TENM4: variants seen among roughly 807,000 people sequenced by gnomAD.
TENM4 encodes the protein teneurin-4.
TENM4 carries 82 observed loss-of-function variants against 243.3 expected under a neutral mutation model. The ratio of observed to expected loss-of-function variants is 0.34; its 90% confidence interval spans 0.28 to 0.40. The LOEUF (loss-of-function observed/expected upper bound fraction) is 0.40. Ranked by LOEUF, TENM4 falls within the 10% of genes least tolerant of loss-of-function variation. The pLI is 1.00. For synonymous variants in TENM4, 1,412 were observed against 1,456.3 expected, an observed-to-expected ratio of 0.97 and a Z score of 0.69; for missense variants, 3,138 against 3,673.3, an observed-to-expected ratio of 0.85 and a Z score of 3.77.
At chr11:79,360,156 A>G (rs1246060885) in intron 1 of TENM4, among the ~76,000 whole-genome samples, 1 of 152,122 alleles carries the variant, frequency 6.6e-6, no homozygotes, top group East Asian at 1.9e-4. Context: ...ATTATAGTTC[A>G]TTTATGTGTC....
At position 78,655,848 on chromosome 11, in the gene TENM4, T is replaced by A. The variant is rs997939634; in HGVS notation, c.*2210A>T. 3 of 152,222 alleles carry A rather than the reference T, an allele frequency of 2.0e-5. No individual in the cohort carries two copies. Among genetic ancestry groups the A allele is most frequent in the African/African-American group, 7.2e-5 (3 of 41,442 alleles). 9.4% of individuals were successfully genotyped at this position (152,222 alleles called of 1,614,324 possible). On this transcript the variant is annotated 3_prime_UTR_variant, in exon 34 of 34. Coordinates refer to ENST00000278550, the MANE Select transcript of TENM4 (RefSeq NM_001098816.3). ...CTTGTGTTCTTCAGGCCAAACTGTT[T>A]TCCATCTCATCCAAGAATGATCCTG...
rs1565220019 is a variant in TENM4 at position 79,139,016 on chromosome 11, CTATAAATATATATTATATTTCT to C, written c.-66+9672_-66+9693del. Among the ~76,000 whole-genome samples the C allele has an allele frequency of 2.0e-3, 35 of 17,300 alleles. 3 individuals are homozygous for C. Among genetic ancestry groups the C allele is most frequent in the Non-Finnish European group, 5.8e-3 (32 of 5,510 alleles). The allele number at this position is 17,300 out of a possible 152,430, so 11.3% of individuals were successfully genotyped here. On this transcript the variant is annotated intron_variant, in intron 4 of 33. Coordinates refer to ENST00000278550, the MANE Select transcript of TENM4 (RefSeq NM_001098816.3). Reference sequence around the variant, plus strand: ...AATATATAAAATATATATTATATTTCTATAAATATATATTATATTTCTATAAATATATAAAATATATATTATA... The same window carrying C: ...AATATATAAAATATATATTATATTTCATAAATATATAAAATATATATTATA...
chr11:79,203,514 CT>C (rs1863789185), intron 3 of TENM4, among the ~76,000 whole-genome samples: 2 of 152,112 alleles, frequency 1.3e-5, no homozygotes, highest in South Asian at 2.1e-4. Context: ...ATATACTATG[CT>C]TTTTTCTATA....
Position 79,153,830 on chromosome 11 carries a change from C to T in TENM4, c.-162-5024G>A, listed in dbSNP as rs890855797. Among the ~76,000 whole-genome samples the T allele has an allele frequency of 3.3e-5, 5 of 152,152 alleles. No individual in the cohort carries two copies. In the South Asian group the frequency reaches 8.3e-4, roughly 25 times the overall value. ...TCTTCTCTCTGATTCTTCAACCAGC[C>T]CCTGAGCAGGAAGACTTAGACCCTC... On this transcript the variant is annotated intron_variant, in intron 3 of 33. Coordinates refer to ENST00000278550, the MANE Select transcript of TENM4 (RefSeq NM_001098816.3).
At chr11:79,036,422 T>A (rs1859378403) in intron 6 of TENM4, among the ~76,000 whole-genome samples, 1 of 152,160 alleles carries the variant, frequency 6.6e-6, no homozygotes. Context: ...AGTTCTGGAT[T>A]CCCAAATAAA....
chr11:78,969,055 G>T (rs1857491558), intron 6 of TENM4, among the ~76,000 whole-genome samples: 1 of 152,202 alleles, frequency 6.6e-6, no homozygotes, highest in African/African-American at 2.4e-5. Flanking sequence ...GAAAACAGTT[G>T]CTGAAGGACT....
chr11:79,174,186 C>T (rs1421388525), intron 3 of TENM4, among the ~76,000 whole-genome samples: 2 of 152,136 alleles, frequency 1.3e-5, no homozygotes, highest in Admixed American at 6.5e-5. Flanking sequence ...GCCCCCACAG[C>T]TTATCCTCCC....
intron 12 of TENM4, among the ~76,000 whole-genome samples, chr11:78,840,574 T>C (rs1222237372): frequency 1.3e-5 from 2 of 152,212 alleles, no homozygotes; most frequent in African/African-American, 4.8e-5. Flanking sequence ...AAACCAGCCC[T>C]AACCTCCCTC....
At chr11:79,372,835 A>C (rs1857813864) in intron 1 of TENM4, among the ~76,000 whole-genome samples, 1 of 152,154 alleles carries the variant, frequency 6.6e-6, no homozygotes, top group African/African-American at 2.4e-5. Context: ...CACATAAGGG[A>C]GATGGATGGC....
At chr11:79,334,463 T>G (rs1344220170) in intron 1 of TENM4, among the ~76,000 whole-genome samples, 1 of 152,148 alleles carries the variant, frequency 6.6e-6, no homozygotes, top group Non-Finnish European at 1.5e-5. Flanking sequence ...ATTTCTCTAT[T>G]CCCTGAGCAC....
At chr11:79,184,284 G>A (rs1056791880) in intron 3 of TENM4, among the ~76,000 whole-genome samples, 4 of 152,128 alleles carry the variant, frequency 2.6e-5, no homozygotes, top group Non-Finnish European at 4.4e-5. Context: ...CACAGATAGC[G>A]GAGGAGGATG....
chr11:79,397,986 C>CAT (rs374776552), intron 1 of TENM4, among the ~76,000 whole-genome samples: 324 of 152,240 alleles, frequency 2.1e-3, no homozygotes, highest in African/African-American at 7.6e-3. Context: ...GCACAAAAGA[C>CAT]TATCATTCCC....
At chr11:79,321,131 C>T (rs1856881614) in intron 1 of TENM4, among the ~76,000 whole-genome samples, 1 of 152,202 alleles carries the variant, frequency 6.6e-6, no homozygotes, top group Admixed American at 6.5e-5. Context: ...GTCCCTTGGC[C>T]TCTCTGTGCC....
intron 32 of TENM4, among the ~76,000 whole-genome samples, chr11:78,663,259 A>G (rs1858075080): frequency 6.6e-6 from 1 of 152,266 alleles, no homozygotes; most frequent in African/African-American, 2.4e-5. Context: ...TTTGAGCCTT[A>G]GAGCCAAGGC....
chr11:79,123,569 A>G (rs1036931110), intron 4 of TENM4, among the ~76,000 whole-genome samples: 1 of 147,330 alleles, frequency 6.8e-6, no homozygotes, highest in Admixed American at 6.8e-5. Context: ...AGAACTCTGG[A>G]CTCTTCTCTC....
intron 15 of TENM4, among the ~76,000 whole-genome samples, chr11:78,800,542 G>T (rs1336660598): frequency 4.6e-5 from 7 of 152,132 alleles, no homozygotes; most frequent in Non-Finnish European, 1.0e-4. Context: ...TTCGCTGTCG[G>T]GTAGTGTGCT....
chr11:79,175,920 G>T (rs1863150139), intron 3 of TENM4, among the ~76,000 whole-genome samples: 1 of 151,952 alleles, frequency 6.6e-6, no homozygotes, highest in African/African-American at 2.4e-5. Flanking sequence ...CCATGTCTCT[G>T]CAAAAAATTA....
intron 32 of TENM4, among the ~76,000 whole-genome samples, chr11:78,665,827 C>A (rs1470933667): frequency 6.6e-6 from 1 of 152,128 alleles, no homozygotes; most frequent in African/African-American, 2.4e-5. Context: ...TTTTTGGTTG[C>A]CTTCCCAGCA....
At chr11:79,142,129 A>G (rs1035832472) in intron 4 of TENM4, among the ~76,000 whole-genome samples, 3 of 152,212 alleles carry the variant, frequency 2.0e-5, no homozygotes, top group African/African-American at 4.8e-5. Flanking sequence ...TACTGGAGCT[A>G]GAGCAATCAG....
Sources: allele counts gnomAD v4.1 joint callset (sites outside exome capture counted in the v4.1 genomes callset), GRCh38; gene constraint gnomAD v4.1.1; transcripts MANE v1.5; gene names NCBI Gene and HGNC (gene_info 2026-07-23, HGNC 2026-07-21).